The following WNK3 variants were observed in gnomAD, a reference collection of about 807,000 sequenced individuals.
WNK3 encodes serine/threonine-protein kinase WNK3.
A neutral mutation model predicts 116.7 loss-of-function variants in WNK3; 18 were observed. The observed-to-expected ratio is 0.15, with a 90% CI of 0.11 to 0.23. The LOEUF is 0.23. WNK3 is among the 10% of genes least tolerant of loss of function. The probability of loss-of-function intolerance (pLI) is 1.00; values close to 1 mark genes in which losing one functional copy is unlikely to be tolerated. For synonymous variants in WNK3, 404 were observed against 469.4 expected (o/e 0.86, Z 1.80); for missense variants, 993 against 1,323.8 (o/e 0.75, Z 3.88).
chrX:54,289,867 G>A (rs1366869121), intron 10 of WNK3, among the ~76,000 whole-genome samples: 1 of 111,763 alleles, frequency 8.9e-6, no homozygotes, highest in Non-Finnish European at 1.9e-5. Context: ...GGCATCTGGT[G>A]CTTTGGTTAA....
intron 10 of WNK3, among the ~76,000 whole-genome samples, chrX:54,263,529 A>ATAAT (rs2146984748): frequency 8.9e-6 from 1 of 112,395 alleles, no homozygotes; most frequent in East Asian, 2.8e-4. Flanking sequence ...TATGTACATT[A>ATAAT]TCCCATATAT....
intron 21 of WNK3, among the ~76,000 whole-genome samples, chrX:54,230,212 T>C (rs1167263038): frequency 9.0e-6 from 1 of 111,431 alleles, no homozygotes; most frequent in African/African-American, 3.3e-5. Flanking sequence ...TGACAAAAAT[T>C]GTTGCCTTTG....
chrX:54,273,817 GATATGGTGA>G (rs2068411173), intron 10 of WNK3, among the ~76,000 whole-genome samples: 1 of 111,664 alleles, frequency 9.0e-6, no homozygotes, highest in Admixed American at 9.6e-5. Flanking sequence ...GAGATTAAAT[GATATGGTGA>G]ATTAACAGCA....
intron 20 of WNK3, among the ~76,000 whole-genome samples, chrX:54,235,221 A>G (rs1222635315): frequency 8.9e-6 from 1 of 112,543 alleles, no homozygotes; most frequent in African/African-American, 3.2e-5. Flanking sequence ...TAATTCTTGA[A>G]GCACTTGAAC....
chrX:54,338,718 A>G (rs2147280956), intron 1 of WNK3, among the ~76,000 whole-genome samples: 1 of 109,693 alleles, frequency 9.1e-6, no homozygotes, highest in South Asian at 3.9e-4. Context: ...GAAGCAAATA[A>G]GACCTGGGCG....
chrX:54,346,305 A>G (rs2069427898), intron 1 of WNK3, among the ~76,000 whole-genome samples: 1 of 89,631 alleles, frequency 1.1e-5, no homozygotes, highest in Admixed American at 1.2e-4. Flanking sequence ...AAAAAAAAAG[A>G]ACACAGGCTC....
At chrX:54,320,373 C>T (rs1201953917) in intron 2 of WNK3, among the ~76,000 whole-genome samples, 3 of 111,652 alleles carry the variant, frequency 2.7e-5, no homozygotes, top group African/African-American at 6.5e-5. Flanking sequence ...AAGTCAGAGG[C>T]TACATGGATC....
At position 54,239,106 on chromosome X, in the gene WNK3, G is replaced by GAGACA. The variant is rs1557150967; in HGVS notation, c.3652-12_3652-8dup. The GAGACA allele has an allele frequency of 2.1e-6, 2 of 937,428 alleles. No homozygotes were observed. Among genetic ancestry groups the GAGACA allele is most frequent in the African/African-American group, 4.6e-5 (2 of 43,630 alleles). 77.3% of individuals were successfully genotyped at this position (937,428 alleles called of 1,213,427 possible). A position where few individuals can be genotyped will look rare whatever the true frequency, so the allele number is the denominator to read the frequency against. On this transcript the variant is annotated splice_polypyrimidine_tract_variant and splice_region_variant and intron_variant, in intron 17 of 23. Transcript: ENST00000354646. ...AAGCATCTGAGGACATCTCCTAATG[G>GAGACA]AGACAAAACAAAACAAAACAAAACA...
intron 1 of WNK3, among the ~76,000 whole-genome samples, chrX:54,347,731 A>G (rs2069455843): frequency 9.6e-6 from 1 of 104,236 alleles, no homozygotes; most frequent in African/African-American, 3.6e-5. Context: ...TATAAAACAC[A>G]ATGTATGTAC....
chrX:54,335,031 C>T (rs1040527531), intron 1 of WNK3, among the ~76,000 whole-genome samples: 11 of 110,766 alleles, frequency 9.9e-5, no homozygotes, highest in Non-Finnish European at 1.9e-4. Flanking sequence ...GAGGCCGAGG[C>T]GGGCAGATCA....
chrX:54,284,260 C>T (rs1174959493), intron 10 of WNK3, among the ~76,000 whole-genome samples: 1 of 111,362 alleles, frequency 9.0e-6, no homozygotes, highest in Non-Finnish European at 1.9e-5. Context: ...AGGCACTTCA[C>T]AAAGATATAC....
At position 54,320,477 on chromosome X, in the gene WNK3, G is replaced by A. The variant is rs181143069; in HGVS notation, c.538-9186C>T. Reference sequence around the variant, plus strand: ...TCAAGTAAGGATGAATATTACAAAGGCTTCAAAATGATGCTTAGCTTATAA... The same window carrying A: ...TCAAGTAAGGATGAATATTACAAAGACTTCAAAATGATGCTTAGCTTATAA... On this transcript the variant is annotated intron_variant, in intron 2 of 23. Transcript: ENST00000354646. Among the ~76,000 whole-genome samples the A allele has an allele frequency of 3.6e-5, 4 of 111,905 alleles. No homozygotes were observed. In the Admixed American group the frequency reaches 3.8e-4, roughly 11 times the overall value.
exon 24 of WNK3, chrX:54,198,144 C>T (rs1323166205): frequency 5.4e-6 from 2 of 368,736 alleles, no homozygotes; most frequent in Non-Finnish European, 9.1e-6. Context: ...CTGCAAACTG[C>T]ACATTTCTAC....
chrX:54,263,225 G>A (rs1156383061), intron 10 of WNK3, among the ~76,000 whole-genome samples: 1 of 111,802 alleles, frequency 8.9e-6, no homozygotes, highest in Non-Finnish European at 1.9e-5. Flanking sequence ...TTATTATGGA[G>A]TGAAGGAGAC....
chrX:54,226,210 C>T (rs1407001062), intron 22 of WNK3, among the ~76,000 whole-genome samples: 3 of 109,846 alleles, frequency 2.7e-5, no homozygotes, highest in Non-Finnish European at 5.7e-5. Flanking sequence ...CGGCTCAGGC[C>T]TGTAATCCCA....
intron 1 of WNK3, among the ~76,000 whole-genome samples, chrX:54,342,071 G>A (rs1334124336): frequency 9.1e-6 from 1 of 110,319 alleles, no homozygotes; most frequent in Non-Finnish European, 1.9e-5. Flanking sequence ...GACCAGCCTG[G>A]GCAACACAGG....
intron 22 of WNK3, among the ~76,000 whole-genome samples, chrX:54,226,497 A>AG (rs1158667697): frequency 2.3e-3 from 238 of 101,899 alleles, no homozygotes; most frequent in Non-Finnish European, 4.0e-3. Flanking sequence ...AAGAAGAAGA[A>AG]AAAAAAAAAG....
intron 2 of WNK3, among the ~76,000 whole-genome samples, chrX:54,318,845 C>T (rs2068994629): frequency 9.1e-6 from 1 of 109,335 alleles, no homozygotes; most frequent in Admixed American, 9.8e-5. Flanking sequence ...AGTGTGACCT[C>T]GGTTCACTGC....
At chrX:54,305,006 C>T (rs1160322950) in intron 5 of WNK3, among the ~76,000 whole-genome samples, 1 of 108,581 alleles carries the variant, frequency 9.2e-6, no homozygotes, top group Non-Finnish European at 1.9e-5. Context: ...CAAAAACTAG[C>T]CAGGTGTGGA....
Sources: gnomAD v4.1 joint callset for allele counts (sites outside exome capture counted in the v4.1 genomes callset) on GRCh38, gnomAD v4.1.1 for gene constraint, MANE v1.5 for transcripts, NCBI Gene and HGNC (gene_info 2026-07-23, HGNC 2026-07-21) for gene names.